JMJD1C: variants seen among roughly 807,000 people sequenced by gnomAD.
JMJD1C encodes the protein jumonji domain-containing protein 1C.
A neutral mutation model predicts 245.3 loss-of-function variants in JMJD1C; 31 were observed. That is an observed-to-expected ratio of 0.13 (90% CI 0.09 to 0.17). The LOEUF (loss-of-function observed/expected upper bound fraction) is 0.17, where lower values mean the gene tolerates loss of function less well. Among genes scored for constraint, JMJD1C ranks in the 10% least tolerant of loss-of-function variants. JMJD1C has a pLI of 1.00. For synonymous variants in JMJD1C, 1,057 were observed against 1,017.4 expected (o/e 1.04, Z -0.74); for missense variants, 2,691 against 3,000.2 (o/e 0.90, Z 2.41).
chr10:63,322,315 G>A (rs10740112), intron 2 of JMJD1C, among the ~76,000 whole-genome samples: 101,600 of 151,990 alleles, frequency 0.67, 36,427 homozygotes, highest in Non-Finnish European at 0.81. Context: ...GGAAAATTCA[G>A]ATTTCTACAA....
intron 1 of JMJD1C, among the ~76,000 whole-genome samples, chr10:63,407,882 C>T (rs1251109073): frequency 1.4e-5 from 2 of 147,168 alleles, no homozygotes; most frequent in African/African-American, 5.0e-5. Context: ...ATAAAAAATA[C>T]AATAGGTTTA....
At chr10:63,223,583 A>T (rs1446700569) in intron 3 of JMJD1C, among the ~76,000 whole-genome samples, 2 of 152,052 alleles carry the variant, frequency 1.3e-5, no homozygotes, top group East Asian at 3.8e-4. Context: ...CACCTTATAA[A>T]ACCAGTTGAC....
At chr10:63,173,374 T>C (rs769878176) in intron 24 of JMJD1C, among the ~76,000 whole-genome samples, 7 of 152,098 alleles carry the variant, frequency 4.6e-5, no homozygotes, top group Non-Finnish European at 8.8e-5. Flanking sequence ...ATTTTGTAGA[T>C]ACTATGAAAA....
Position 63,465,621 on chromosome 10 carries a change from G to A in JMJD1C, c.42C>T (p.Phe14=). 1 of 1,610,172 alleles carries A rather than the reference G, an allele frequency of 6.2e-7. No individual in the cohort carries two copies. The highest frequency in any genetic ancestry group is 1.1e-5 in the South Asian group (1 of 91,082). ...ETRAELVGKR[F]LCVAVGDEAR... ...CCTCGTCGCCGACCGCCACACACAG[G>A]AACCGCTTACCCACCAGCTCTGCCC... The change falls in exon 1 of 26, where the codon TTC becomes TTT. Residue 14 remains phenylalanine (F), a synonymous_variant. Coordinates refer to ENST00000399262, the MANE Select transcript of JMJD1C (RefSeq NM_032776.3).
At chr10:63,515,855 AAAC>A (rs1235841904) in intron 1 of JMJD1C, among the ~76,000 whole-genome samples, 1 of 152,192 alleles carries the variant, frequency 6.6e-6, no homozygotes, top group Non-Finnish European at 1.5e-5. Context: ...ATCAGACAAA[AAAC>A]CCTCTGTCAG....
intron 3 of JMJD1C, among the ~76,000 whole-genome samples, chr10:63,248,259 G>A (rs1396654636): frequency 6.6e-6 from 1 of 151,948 alleles, no homozygotes; most frequent in African/African-American, 2.4e-5. Flanking sequence ...TCAGGAGATC[G>A]AGACCAGCCT....
At chr10:63,269,239 A>G (rs752549866) in intron 2 of JMJD1C, 225 of 983,708 alleles carry the variant, frequency 2.3e-4, no homozygotes, top group Non-Finnish European at 2.6e-4. Flanking sequence ...GGCTTAGGGC[A>G]CACTGAGAGA....
At chr10:63,428,672 T>C (rs1462836322) in intron 1 of JMJD1C, among the ~76,000 whole-genome samples, 1 of 151,460 alleles carries the variant, frequency 6.6e-6, no homozygotes, top group Admixed American at 6.6e-5. Flanking sequence ...AAACAAAACA[T>C]AAAAGAAAAT....
chr10:63,359,530 A>C (rs1273313660), intron 2 of JMJD1C, among the ~76,000 whole-genome samples: 1 of 152,250 alleles, frequency 6.6e-6, no homozygotes, highest in East Asian at 1.9e-4. Flanking sequence ...ATTTACCTGA[A>C]TATGACTATC....
chr10:63,232,364 T>G (rs1244758026), intron 3 of JMJD1C, among the ~76,000 whole-genome samples: 1 of 152,082 alleles, frequency 6.6e-6, no homozygotes, highest in Non-Finnish European at 1.5e-5. Flanking sequence ...GTTAAAAATT[T>G]TTTAAAACTG....
At chr10:63,394,240 G>A (rs1388095507) in intron 1 of JMJD1C, among the ~76,000 whole-genome samples, 3 of 144,360 alleles carry the variant, frequency 2.1e-5, no homozygotes, top group African/African-American at 7.6e-5. Flanking sequence ...AAAAAAACTA[G>A]ACACACAGAT....
chr10:63,185,313 G>T (rs1844000780), intron 20 of JMJD1C, among the ~76,000 whole-genome samples: 1 of 152,018 alleles, frequency 6.6e-6, no homozygotes. Flanking sequence ...GTATTTTTTT[G>T]TAGAGATAAG....
Position 63,167,971 on chromosome 10 carries a change from G to A in JMJD1C, c.*74C>T. 1 of 867,622 alleles carries A rather than the reference G, an allele frequency of 1.2e-6. No individual in the cohort carries two copies. Among genetic ancestry groups the A allele is most frequent in the East Asian group, 2.4e-5 (1 of 41,458 alleles). 53.7% of individuals were successfully genotyped at this position (867,622 alleles called of 1,614,324 possible). ...GATGGTTTTATGAAGCTTAAAGTCA[G>A]TGTGCATACATATCATCATTCAAGG... On this transcript the variant is annotated 3_prime_UTR_variant, in exon 26 of 26. Coordinates refer to ENST00000399262, the MANE Select transcript of JMJD1C (RefSeq NM_032776.3).
chr10:63,233,957 C>T (rs950661417), intron 3 of JMJD1C, among the ~76,000 whole-genome samples: 3 of 152,004 alleles, frequency 2.0e-5, no homozygotes, highest in African/African-American at 7.3e-5. Context: ...CTGATGCCAA[C>T]AATTTATTCA....
chr10:63,449,369 T>G (rs1164863184), intron 1 of JMJD1C, among the ~76,000 whole-genome samples: 1 of 152,160 alleles, frequency 6.6e-6, no homozygotes, highest in Non-Finnish European at 1.5e-5. Context: ...GAACAGTTTA[T>G]TAAAACTTTA....
intron 1 of JMJD1C, among the ~76,000 whole-genome samples, chr10:63,464,276 T>G (rs948972460): frequency 3.3e-5 from 5 of 152,166 alleles, no homozygotes; most frequent in African/African-American, 4.8e-5. Context: ...GAGTCAATAT[T>G]AATACATGCC....
intron 1 of JMJD1C, among the ~76,000 whole-genome samples, chr10:63,420,745 G>T (rs1434599659): frequency 3.4e-5 from 5 of 148,820 alleles, no homozygotes; most frequent in Admixed American, 1.3e-4. Context: ...AGGAGGCTGG[G>T]AAAGAAAGAA....
chr10:63,187,217 T>C lies in JMJD1C; in HGVS notation c.6571-834A>G, dbSNP rs142736397. Among the ~76,000 whole-genome samples, 365 of 152,280 alleles carry C rather than the reference T, an allele frequency of 2.4e-3. 3 individuals carry two copies. The South Asian group carries it at 0.029, about 12-fold the overall frequency. On this transcript the variant is annotated intron_variant, in intron 18 of 25. Transcript: ENST00000399262. ...AATGTTCCATTAAACATTTTTTCAA[T>C]GAGCCAATAATATATACGACTTTAA...
Position 63,369,782 on chromosome 10 carries a change from C to T in JMJD1C, c.333+10536G>A, listed in dbSNP as rs796505034. Among the ~76,000 whole-genome samples the T allele has an allele frequency of 1.2e-4, 18 of 152,282 alleles. 1 individual carries two copies. Among genetic ancestry groups the T allele is most frequent in the African/African-American group, 4.3e-4 (18 of 41,560 alleles). The stretch of plus-strand genomic sequence containing the variant: ...AAAGATGCCTGGGCTTCCACCTTGG[C>T]AACTGAGAGATGATCTCCAGGGCTC... On this transcript the variant is annotated intron_variant, in intron 2 of 25. Transcript: ENST00000399262.
Sources: allele counts gnomAD v4.1 joint callset (sites outside exome capture counted in the v4.1 genomes callset), GRCh38; gene constraint gnomAD v4.1.1; transcripts MANE v1.5; gene names NCBI Gene and HGNC (gene_info 2026-07-23, HGNC 2026-07-21).